SLC25A21: variants seen among roughly 807,000 people sequenced by gnomAD.
The protein encoded by SLC25A21 is solute carrier family 25 member 21, also known as mitochondrial 2-oxodicarboxylate carrier.
Under a neutral mutation model 43.8 loss-of-function variants are expected in SLC25A21, and 47 were observed. The ratio of observed to expected loss-of-function variants is 1.07; its 90% CI spans 0.85 to 1.37. The LOEUF is 1.37. Ranked by LOEUF, SLC25A21 falls within the 40% of genes most tolerant of loss-of-function variation. The pLI is 0.00. For missense variants in SLC25A21, 352 were observed against 350.2 expected, an observed-to-expected ratio of 1.00 and a Z score of -0.04; for synonymous variants, 131 against 121.3, an observed-to-expected ratio of 1.08 and a Z score of -0.52.
chr14:36,965,803 G>A (rs1276186458), intron 1 of SLC25A21, among the ~76,000 whole-genome samples: 1 of 152,236 alleles, frequency 6.6e-6, no homozygotes, highest in East Asian at 1.9e-4. Flanking sequence ...AATCATCTGA[G>A]AACAGTTTGT....
At chr14:36,887,862 T>A (rs991170552) in intron 1 of SLC25A21, among the ~76,000 whole-genome samples, 1 of 152,316 alleles carries the variant, frequency 6.6e-6, no homozygotes, top group Admixed American at 6.5e-5. Context: ...TTCTTTGATT[T>A]AATTGCCTAA....
intron 2 of SLC25A21, chr14:36,870,704 G>A (rs1191647355): frequency 6.6e-6 from 1 of 152,122 alleles, no homozygotes; most frequent in Non-Finnish European, 1.5e-5. Flanking sequence ...AATACAACCA[G>A]TATATGTATA....
chr14:37,101,537 T>G (rs530323347), intron 1 of SLC25A21, among the ~76,000 whole-genome samples: 4 of 152,210 alleles, frequency 2.6e-5, no homozygotes, highest in Non-Finnish European at 5.9e-5. Flanking sequence ...TATTCATGTA[T>G]GAAGACAGCT....
chr14:36,861,229 A>G (rs979467788), intron 2 of SLC25A21, among the ~76,000 whole-genome samples: 9 of 152,194 alleles, frequency 5.9e-5, no homozygotes, highest in Non-Finnish European at 1.0e-4. Context: ...CAGTTATGAT[A>G]TTATATTATC....
At chr14:37,057,930 C>A (rs1296943472) in intron 1 of SLC25A21, among the ~76,000 whole-genome samples, 1 of 152,084 alleles carries the variant, frequency 6.6e-6, no homozygotes, top group African/African-American at 2.4e-5. Context: ...CTCACAGTAC[C>A]CAGAATGGTT....
chr14:37,083,040 A>T (rs1262966017), intron 1 of SLC25A21, among the ~76,000 whole-genome samples: 1 of 152,212 alleles, frequency 6.6e-6, no homozygotes, highest in Non-Finnish European at 1.5e-5. Context: ...CTGTCTCATC[A>T]ATTTCAAGTT....
intron 1 of SLC25A21, among the ~76,000 whole-genome samples, chr14:37,001,936 T>C (rs544968687): frequency 1.5e-3 from 233 of 152,276 alleles, no homozygotes; most frequent in Middle Eastern, 0.01. Context: ...GCACTTTCTA[T>C]TTATCTGCAA....
At chr14:36,961,295 T>C (rs1486407434) in intron 1 of SLC25A21, among the ~76,000 whole-genome samples, 2 of 151,688 alleles carry the variant, frequency 1.3e-5, no homozygotes, top group Non-Finnish European at 2.9e-5. Context: ...CACTGCAAGC[T>C]CTGCCTTCCG....
chr14:36,972,758 G>C (rs1959780280), intron 1 of SLC25A21, among the ~76,000 whole-genome samples: 1 of 152,172 alleles, frequency 6.6e-6, no homozygotes, highest in African/African-American at 2.4e-5. Flanking sequence ...AGGGTATAGA[G>C]AGTGGCATGG....
At chr14:36,864,645 C>T (rs1157460166) in intron 2 of SLC25A21, among the ~76,000 whole-genome samples, 1 of 152,212 alleles carries the variant, frequency 6.6e-6, no homozygotes, top group Non-Finnish European at 1.5e-5. Flanking sequence ...AACCATTCCA[C>T]ACCATTATAT....
chr14:36,723,634 G>T (rs1401019764), intron 6 of SLC25A21, among the ~76,000 whole-genome samples: 3 of 152,180 alleles, frequency 2.0e-5, no homozygotes, highest in African/African-American at 2.4e-5. Context: ...ACATTCTTTT[G>T]TTGGGCAGGA....
intron 1 of SLC25A21, among the ~76,000 whole-genome samples, chr14:37,167,901 C>G (rs746235301): frequency 2.0e-5 from 3 of 151,834 alleles, no homozygotes; most frequent in Non-Finnish European, 4.4e-5. Context: ...CACCGCTCCC[C>G]CCACCCCCTA....
chr14:36,905,388 C>CT (rs545393335), intron 1 of SLC25A21, among the ~76,000 whole-genome samples: 63 of 152,276 alleles, frequency 4.1e-4, no homozygotes, highest in African/African-American at 1.4e-3. Context: ...AATATTCCTG[C>CT]TATGAAACTG....
chr14:36,713,844 T>C (rs111757635), intron 6 of SLC25A21, among the ~76,000 whole-genome samples: 6,165 of 151,976 alleles, frequency 0.041, 384 homozygotes, highest in African/African-American at 0.14. Flanking sequence ...ATTAGCCAGG[T>C]GCTGTGGCAA....
intron 1 of SLC25A21, among the ~76,000 whole-genome samples, chr14:37,121,832 T>C (rs975888797): frequency 1.3e-5 from 2 of 152,016 alleles, no homozygotes; most frequent in Non-Finnish European, 2.9e-5. Flanking sequence ...TTGTTTCTAT[T>C]AAATGCCATG....
At chr14:36,708,687 T>A (rs1281681961) in intron 7 of SLC25A21, among the ~76,000 whole-genome samples, 2 of 151,566 alleles carry the variant, frequency 1.3e-5, no homozygotes, top group East Asian at 3.9e-4. Flanking sequence ...TCCTCTTGCC[T>A]CAGCCTGCAG....
chr14:37,001,900 C>G (rs974499429), intron 1 of SLC25A21, among the ~76,000 whole-genome samples: 3 of 151,988 alleles, frequency 2.0e-5, no homozygotes, highest in Non-Finnish European at 4.4e-5. Context: ...TCTCAATTAC[C>G]CCAAAACAGG....
intron 1 of SLC25A21, among the ~76,000 whole-genome samples, chr14:37,164,872 CA>C (rs1964005640): frequency 6.6e-6 from 1 of 152,120 alleles, no homozygotes; most frequent in Non-Finnish European, 1.5e-5. Context: ...TTCCCTCCCT[CA>C]AAAAAGTCTT....
At chr14:36,747,054 T>C (rs1885527380) in intron 3 of SLC25A21, among the ~76,000 whole-genome samples, 1 of 152,142 alleles carries the variant, frequency 6.6e-6, no homozygotes, top group Non-Finnish European at 1.5e-5. Flanking sequence ...TCAACAAATA[T>C]ATATAAATTC....
Sources: allele counts gnomAD v4.1 joint callset (sites outside exome capture counted in the v4.1 genomes callset), GRCh38; gene constraint gnomAD v4.1.1; transcripts MANE v1.5; gene names NCBI Gene and HGNC (gene_info 2026-07-23, HGNC 2026-07-21).